Variants in PRDM15 observed in about 807,000 individuals in gnomAD.
PRDM15 encodes the protein PR/SET domain 15.
PRDM15 carries 64 observed loss-of-function variants against 128.6 expected under a neutral mutation model. The ratio of observed to expected loss-of-function variants is 0.50; its 90% CI spans 0.41 to 0.61. The LOEUF is 0.61. Ranked by LOEUF, PRDM15 falls within the 20% of genes least tolerant of loss-of-function variation. PRDM15 has a pLI of 0.00. For synonymous variants in PRDM15, 615 were observed against 621.8 expected (o/e 0.99, Z 0.16); for missense variants, 1,242 against 1,569.1 (o/e 0.79, Z 3.52).
chr21:41,875,604 C>T (rs957488908), intron 1 of PRDM15, among the ~76,000 whole-genome samples: 13 of 152,364 alleles, frequency 8.5e-5, no homozygotes, highest in African/African-American at 3.1e-4. Context: ...CATCTATTTA[C>T]AACGCACACG....
chr21:41,829,152 TAC>T (rs1275812578), intron 11 of PRDM15, among the ~76,000 whole-genome samples: 1,521 of 113,162 alleles, frequency 0.013, 31 homozygotes, highest in African/African-American at 0.049. Context: ...CCCACACAAA[TAC>T]ACAAATACAC....
intron 22 of PRDM15, among the ~76,000 whole-genome samples, chr21:41,803,963 A>ATTTT (rs72214468): frequency 1.5e-5 from 2 of 132,470 alleles, no homozygotes; most frequent in Admixed American, 7.6e-5. Flanking sequence ...GATTGTTCTG[A>ATTTT]TTTTTTTTTT....
chr21:41,807,418 A>C (rs1048207191), intron 21 of PRDM15, among the ~76,000 whole-genome samples: 1 of 152,124 alleles, frequency 6.6e-6, no homozygotes, highest in African/African-American at 2.4e-5. Flanking sequence ...CTTCCTCCTG[A>C]ATCTGTGGCA....
Position 41,819,643 on chromosome 21 carries a change from C to T in PRDM15, c.2199G>A (p.Leu733=), listed in dbSNP as rs1333649776. ...TGTCGTGCACACGCATGTGCTCCTT[C>T]AGCATGTCCTTCCTGGCAAAGGACT... The part of the protein sequence containing the change: ...CGKSFARKDM[L]KEHMRVHDNV... Residue 733 remains leucine (L), a synonymous_variant, in exon 18 of 24, where the codon CTG becomes CTA. Transcript: ENST00000398548. The T allele has an allele frequency of 6.2e-7, 1 of 1,611,284 alleles. No individual in the cohort carries two copies. The highest frequency in any genetic ancestry group is 2.2e-5 in the East Asian group (1 of 44,824).
intron 21 of PRDM15, among the ~76,000 whole-genome samples, chr21:41,809,006 G>A (rs1437395833): frequency 3.3e-5 from 5 of 152,180 alleles, no homozygotes; most frequent in African/African-American, 9.7e-5. Context: ...CCCCGCCCCC[G>A]CAAGAGGCGA....
rs4075967 is a variant in PRDM15 at position 41,815,820 on chromosome 21, G to A, written c.2277C>T (p.His759=). ...AECGKGMKTK[H]ALRHHMKLHK... ...GCAGCTTCATGTGGTGGCGCAGCGC[G>A]TGCTTGGTCTTCATGCCTTCAAGGA... Residue 759 remains histidine (H), a synonymous_variant, in exon 19 of 24, where the codon CAC becomes CAT. Transcript: ENST00000398548. The A allele has an allele frequency of 0.22, 358,641 of 1,613,566 alleles. 41,160 individuals are homozygous for A. The highest frequency in any genetic ancestry group is 0.26 in the Admixed American group (15,440 of 60,016).
In PRDM15 at chr21:41,821,975, C is replaced by T. The variant is rs375298098; in HGVS notation, c.1824G>A (p.Ser608=). The part of the protein sequence containing the change: ...EEFIGKIGIS[S]EENDDNSDES... ...CGTCAGAATTGTCATCGTTTTCTTC[C>T]GAGGAGATCCCGATCTTGCCGATAA... The change falls in exon 15 of 24, where the codon TCG becomes TCA. Residue 608 remains serine (S), a synonymous_variant. Coordinates refer to ENST00000398548, the MANE Select transcript of PRDM15 (RefSeq NM_001040424.3). This position sits in a 1 kb window ranked among gnomAD's most constrained non-coding sequence, Gnocchi z 5.4. The T allele has an allele frequency of 3.1e-5, 50 of 1,614,088 alleles. No homozygotes were observed. Among genetic ancestry groups the T allele is most frequent in the Admixed American group, 1.7e-4 (10 of 60,018 alleles).
rs1568870488 is a variant in PRDM15 at position 41,802,852 on chromosome 21, T to C, written c.2803A>G (p.Lys935Glu). The stretch of plus-strand genomic sequence containing the variant: ...TCCTCTTCTGGCTTCTGCTTTCTCT[T>C]GTGACTTCGCTTGGCAGCTTTCCCG... ...KHGKAAKRSHKRKQKPEEEAG... is the reference protein window; with the variant it reads ...KHGKAAKRSHERKQKPEEEAG... Residue 935 changes from lysine (K) to glutamate (E), a missense_variant, in exon 23 of 24, where the codon AAG (lysine) becomes GAG (glutamate). Coordinates refer to ENST00000398548, the MANE Select transcript of PRDM15 (RefSeq NM_001040424.3). 6.2e-7 allele frequency: 1 copy of C among 1,614,204 alleles called. No homozygotes were observed. The highest frequency in any genetic ancestry group is 8.5e-7 in the Non-Finnish European group (1 of 1,180,042).
At chr21:41,856,737 C>A (rs2063646776) in intron 4 of PRDM15, among the ~76,000 whole-genome samples, 1 of 152,226 alleles carries the variant, frequency 6.6e-6, no homozygotes, top group Admixed American at 6.5e-5. Flanking sequence ...CCAAACTTCA[C>A]ACTATTGCCC....
chr21:41,801,432 G>T lies in PRDM15; in HGVS notation c.3234C>A (p.Phe1078Leu). 1 of 1,614,170 alleles carries T rather than the reference G, an allele frequency of 6.2e-7. No individual in the cohort carries two copies. Among genetic ancestry groups the T allele is most frequent in the Non-Finnish European group, 8.5e-7 (1 of 1,180,006 alleles). Residue 1078 changes from phenylalanine (F) to leucine (L), a missense_variant, in exon 24 of 24, where the codon TTC becomes TTA. Physicochemically the swap from Phe to Leu is conservative, Grantham distance 22. Transcript: ENST00000398548. ...AGTTGACCAGGGTCGTCAGGTTGAT[G>T]AAATGGGCCACAGACTGTGGGTTCG... ...EASNPQSVAH[F>L]INLTTLVNSI...
chr21:41,862,365 C>T lies in PRDM15; in HGVS notation c.-9-1993G>A, dbSNP rs949965248. 6.6e-6 allele frequency among the ~76,000 whole-genome samples: 1 copy of T among 152,146 alleles called. No homozygotes were observed. Among genetic ancestry groups the T allele is most frequent in the Admixed American group, 6.5e-5 (1 of 15,278 alleles). The stretch of plus-strand genomic sequence containing the variant: ...TGCTTACTTGGGAGCCTGCACGAAT[C>T]CCCTGAGGCCTTGTGTGGCCGCCTC... On this transcript the variant is annotated intron_variant, in intron 1 of 23. Transcript: ENST00000398548. This position sits in a 1 kb window ranked among gnomAD's most constrained non-coding sequence, Gnocchi z 4.1.
At chr21:41,822,172 GA>G (rs2062300588) in intron 14 of PRDM15, 135 bp from the exon 15 acceptor site, 1 of 1,227,994 alleles carries the variant, frequency 8.1e-7, no homozygotes, top group Non-Finnish European at 1.2e-6. Flanking sequence ...GCGCCCTAAC[GA>G]GCTACACTTG....
intron 5 of PRDM15, among the ~76,000 whole-genome samples, chr21:41,849,656 G>A (rs545092768): frequency 6.6e-6 from 1 of 152,254 alleles, no homozygotes; most frequent in African/African-American, 2.4e-5. Context: ...AAAATACAGG[G>A]GCCAGTGAGG....
intron 5 of PRDM15, among the ~76,000 whole-genome samples, chr21:41,852,281 C>T (rs552993078): frequency 6.6e-6 from 1 of 152,386 alleles, no homozygotes; most frequent in East Asian, 1.9e-4. Flanking sequence ...ATCTCAGAAC[C>T]CAAACCCCGG....
Position 41,878,485 on chromosome 21 carries a change from C to T in PRDM15, c.-10+785G>A, listed in dbSNP as rs537527225. The stretch of plus-strand genomic sequence containing the variant: ...CTCAAGGCTAACCCCTGCGTGAACA[C>T]CTCCCCTCTAGCAGGACGCTGCGCG... On this transcript the variant is annotated intron_variant, in intron 1 of 23. Coordinates refer to ENST00000398548, the MANE Select transcript of PRDM15 (RefSeq NM_001040424.3). 9.8e-5 allele frequency among the ~76,000 whole-genome samples: 15 copies of T among 152,316 alleles called. No homozygotes were observed. In the South Asian group the frequency reaches 3.1e-3, roughly 32 times the overall value.
At chr21:41,836,942 C>G in intron 8 of PRDM15, 1 of 240,006 alleles carries the variant, frequency 4.2e-6, no homozygotes, top group Non-Finnish European at 8.1e-6. Flanking sequence ...TTAGAATAAC[C>G]ACACCTGTTT....
chr21:41,826,282 G>A (rs1299204170), intron 12 of PRDM15, among the ~76,000 whole-genome samples: 3 of 152,208 alleles, frequency 2.0e-5, no homozygotes, highest in African/African-American at 7.2e-5. Context: ...ATGGCACAAC[G>A]TATGTGGGAT....
At chr21:41,804,511 C>T (rs1246411643) in intron 22 of PRDM15, 23 bp downstream of exon 22, 2 of 1,550,434 alleles carry the variant, frequency 1.3e-6, no homozygotes, top group Non-Finnish European at 1.7e-6. Context: ...GTTTCTGAGC[C>T]CCTGGGGCCC....
rs564881704 is a variant in PRDM15 at position 41,854,597 on chromosome 21, G to C, written c.507C>G (p.Pro169=). 13 of 1,613,628 alleles carry C rather than the reference G, an allele frequency of 8.1e-6. No individual in the cohort carries two copies. The East Asian group carries it at 2.9e-4, about 36-fold the overall frequency. Residue 169 remains proline (P), a synonymous_variant, in exon 5 of 24, where the codon CCC becomes CCG. Coordinates refer to ENST00000398548, the MANE Select transcript of PRDM15 (RefSeq NM_001040424.3). This position sits in a 1 kb window ranked among gnomAD's most constrained non-coding sequence, Gnocchi z 4.6. ...AAFYAKKMDK[P]MLKQAGSGVH... ...CGCCAGAGCCGGCCTGCTTCAGCAT[G>C]GGCTTGTCCATCTTCTTGGCATAGA... is the stretch of plus-strand genomic sequence containing the variant.
Sources: gnomAD v4.1 joint callset for allele counts (sites outside exome capture counted in the v4.1 genomes callset) on GRCh38, gnomAD v4.1.1 for gene constraint, Gnocchi (gnomAD v3.1) non-coding constraint, MANE v1.5 for transcripts, NCBI Gene and HGNC (gene_info 2026-07-23, HGNC 2026-07-21) for gene names.